The following LRBA variants were observed in gnomAD, a reference collection of about 807,000 sequenced individuals.
LRBA encodes the protein lipopolysaccharide-responsive and beige-like anchor protein.
A neutral mutation model predicts 330.0 loss-of-function variants in LRBA; 176 were observed. The observed-to-expected ratio is 0.53, with a 90% confidence interval of 0.47 to 0.60. The LOEUF is 0.60. Among genes scored for constraint, LRBA ranks in the 20% least tolerant of loss-of-function variants. LRBA has a pLI of 0.00. For synonymous variants in LRBA, 1,230 were observed against 1,193.0 expected, an observed-to-expected ratio of 1.03 and a Z score of -0.64; for missense variants, 3,259 against 3,444.8, an observed-to-expected ratio of 0.95 and a Z score of 1.35.
At chr4:150,486,381 G>C (rs890486962) in intron 42 of LRBA, among the ~76,000 whole-genome samples, 2 of 151,504 alleles carry the variant, frequency 1.3e-5, no homozygotes, top group African/African-American at 4.8e-5. Context: ...CTTCAAGGTA[G>C]CATATTTTTT....
intron 46 of LRBA, chr4:150,422,988 T>C (rs977565326): frequency 2.3e-5 from 18 of 781,520 alleles, no homozygotes; most frequent in Non-Finnish European, 4.3e-5. Context: ...GGTCCAATGG[T>C]GTATAAGTGA....
At chr4:150,388,461 T>A (rs560165906) in intron 47 of LRBA, among the ~76,000 whole-genome samples, 1 of 152,300 alleles carries the variant, frequency 6.6e-6, no homozygotes, top group African/African-American at 2.4e-5. Flanking sequence ...CAAAGTCTCA[T>A]CTAAATATCA....
chr4:150,576,493 A>T (rs1561375859), intron 40 of LRBA, among the ~76,000 whole-genome samples: 1 of 151,930 alleles, frequency 6.6e-6, no homozygotes, highest in Non-Finnish European at 1.5e-5. Context: ...CTTCTTAGTC[A>T]GGCTAAAAGC....
chr4:150,451,266 T>C (rs576124044), intron 44 of LRBA, among the ~76,000 whole-genome samples: 2 of 152,200 alleles, frequency 1.3e-5, no homozygotes, highest in Non-Finnish European at 2.9e-5. Context: ...TCTTTTCAAA[T>C]GCACATGGAA....
intron 40 of LRBA, among the ~76,000 whole-genome samples, chr4:150,559,798 AAT>A (rs111480391): frequency 0.057 from 4,833 of 84,572 alleles, 233 homozygotes; most frequent in East Asian, 0.17. Flanking sequence ...ATATAATTAT[AAT>A]ATGTTATATA....
intron 37 of LRBA, among the ~76,000 whole-genome samples, chr4:150,658,063 G>A (rs950308264): frequency 6.6e-5 from 10 of 152,022 alleles, no homozygotes; most frequent in African/African-American, 1.9e-4. Context: ...TCACATGAAG[G>A]AGGATGACAC....
At chr4:150,515,621 T>A (rs1762258503) in intron 40 of LRBA, among the ~76,000 whole-genome samples, 1 of 152,090 alleles carries the variant, frequency 6.6e-6, no homozygotes, top group African/African-American at 2.4e-5. Context: ...AAAGTTGTAA[T>A]AAATGAAATA....
intron 35 of LRBA, among the ~76,000 whole-genome samples, chr4:150,751,333 C>G (rs1733511554): frequency 1.3e-5 from 2 of 152,050 alleles, no homozygotes; most frequent in South Asian, 4.1e-4. Context: ...GTCCTGAATA[C>G]ATACCTCTGA....
At chr4:150,270,786 G>GAAAT (rs1745976804) in intron 56 of LRBA, among the ~76,000 whole-genome samples, 1 of 152,184 alleles carries the variant, frequency 6.6e-6, no homozygotes, top group Admixed American at 6.5e-5. Context: ...GAGCTTTTAG[G>GAAAT]AAATAAGCCC....
chr4:150,404,181 T>C (rs182119642), intron 47 of LRBA, among the ~76,000 whole-genome samples: 6 of 152,298 alleles, frequency 3.9e-5, no homozygotes, highest in African/African-American at 1.4e-4. Context: ...CATGGGTCTT[T>C]GCAATTTAGT....
chr4:150,458,004 C>T (rs1210107961), intron 44 of LRBA, among the ~76,000 whole-genome samples: 2 of 151,932 alleles, frequency 1.3e-5, no homozygotes, highest in African/African-American at 4.8e-5. Flanking sequence ...ATCACCCTGA[C>T]AGTAATATTA....
At chr4:150,585,116 T>C (rs1178288096) in intron 40 of LRBA, among the ~76,000 whole-genome samples, 1 of 152,204 alleles carries the variant, frequency 6.6e-6, no homozygotes, top group Non-Finnish European at 1.5e-5. Context: ...TTTTTCTGAA[T>C]AGTTAACAAA....
At chr4:150,773,711 G>T (rs1736888913) in intron 34 of LRBA, among the ~76,000 whole-genome samples, 1 of 152,168 alleles carries the variant, frequency 6.6e-6, no homozygotes, top group African/African-American at 2.4e-5. Flanking sequence ...TCACTCAATA[G>T]GTCAGGAAAC....
At chr4:150,865,717 CTT>C (rs779221199) in intron 22 of LRBA, among the ~76,000 whole-genome samples, 61 of 134,378 alleles carry the variant, frequency 4.5e-4, no homozygotes, top group Admixed American at 7.6e-4. Context: ...GCAATATATT[CTT>C]TTTTTTTTTT....
chr4:150,836,964 A>G (rs1180184446), intron 28 of LRBA, among the ~76,000 whole-genome samples: 4 of 152,038 alleles, frequency 2.6e-5, no homozygotes, highest in Non-Finnish European at 5.9e-5. Context: ...ACACTGCTTT[A>G]AATGTGTCCC....
intron 20 of LRBA, among the ~76,000 whole-genome samples, chr4:150,869,501 C>T (rs983441876): frequency 3.3e-5 from 5 of 151,932 alleles, no homozygotes; most frequent in African/African-American, 1.2e-4. Flanking sequence ...CCACCCTGGC[C>T]AACATGGCGA....
At chr4:150,314,492 A>G (rs1323128553) in intron 51 of LRBA, among the ~76,000 whole-genome samples, 1 of 152,184 alleles carries the variant, frequency 6.6e-6, no homozygotes, top group African/African-American at 2.4e-5. Context: ...CCATTGAAAC[A>G]ATGCCTTTTA....
intron 40 of LRBA, among the ~76,000 whole-genome samples, chr4:150,576,164 T>TA (rs33976355): frequency 0.53 from 76,271 of 142,658 alleles, 20,526 homozygotes; most frequent in Middle Eastern, 0.64. Flanking sequence ...AACTGGTTTT[T>TA]AAAAAAAAAA....
At chr4:150,908,295 C>A (rs1731568646) in intron 11 of LRBA, 39 bp downstream of exon 11, 3 of 1,586,632 alleles carry the variant, frequency 1.9e-6, no homozygotes, top group South Asian at 2.4e-5. Context: ...ATGAAATTAA[C>A]CCTCACAGCC....
Sources: allele counts gnomAD v4.1 joint callset (sites outside exome capture counted in the v4.1 genomes callset), GRCh38; gene constraint gnomAD v4.1.1; transcripts MANE v1.5; gene names NCBI Gene and HGNC (gene_info 2026-07-23, HGNC 2026-07-21).